PTPN22: variants seen among roughly 807,000 people sequenced by gnomAD.
PTPN22 encodes tyrosine-protein phosphatase non-receptor type 22.
A neutral mutation model predicts 103.3 loss-of-function variants in PTPN22; 85 were observed. The ratio of observed to expected loss-of-function variants is 0.82; its 90% confidence interval spans 0.69 to 0.99. PTPN22 has a LOEUF of 0.99. Ranked by LOEUF, PTPN22 falls within the 50% of genes least tolerant of loss-of-function variation. PTPN22 has a pLI of 0.00. For missense variants in PTPN22, 865 were observed against 936.9 expected (o/e 0.92, Z 1.00); for synonymous variants, 323 against 310.2 (o/e 1.04, Z -0.43).
chr1:113,867,035 C>A (rs1454120597), intron 1 of PTPN22, among the ~76,000 whole-genome samples: 1 of 152,156 alleles, frequency 6.6e-6, no homozygotes, highest in African/African-American at 2.4e-5. Flanking sequence ...GCGCGAGCCA[C>A]CTCACCTGGC....
chr1:113,842,997 G>A (rs1663701630), intron 11 of PTPN22, among the ~76,000 whole-genome samples: 1 of 143,174 alleles, frequency 7.0e-6, no homozygotes, highest in Non-Finnish European at 1.5e-5. Context: ...CTACTTGGGA[G>A]GCTGAGGCAG....
exon 6 of PTPN22, chr1:113,856,614 C>T (rs760774578): frequency 6.2e-7 from 1 of 1,614,126 alleles, no homozygotes; most frequent in Admixed American, 1.7e-5. Context: ...AGCGCTCACA[C>T]TTTTTCTGTT....
chr1:113,817,524 A>G (rs1661258260), intron 20 of PTPN22, among the ~76,000 whole-genome samples: 1 of 151,952 alleles, frequency 6.6e-6, no homozygotes, highest in Non-Finnish European at 1.5e-5. Flanking sequence ...TGCAGCCTCA[A>G]CCTCCTGGGC....
At chr1:113,864,995 T>C (rs947180028) in intron 1 of PTPN22, among the ~76,000 whole-genome samples, 3 of 151,978 alleles carry the variant, frequency 2.0e-5, no homozygotes, top group Non-Finnish European at 4.4e-5. Context: ...ACAACATGTG[T>C]GCAAGGCCCT....
In PTPN22 at chr1:113,836,080, CAGATA is replaced by C. The variant is rs569489107; in HGVS notation, c.1811-1092_1811-1088del. Among the ~76,000 whole-genome samples, 288 of 151,956 alleles carry C rather than the reference CAGATA, an allele frequency of 1.9e-3. 1 individual carries two copies. Among genetic ancestry groups the C allele is most frequent in the Non-Finnish European group, 3.2e-3 (219 of 67,918 alleles). ...AATCACAGAAGGAACATCTTAGATC[CAGATA>C]AGATATTTTTGCAACAAAGCTACAA... On this transcript the variant is annotated intron_variant, in intron 13 of 20. Transcript: ENST00000359785.
intron 15 of PTPN22, 25 bp downstream of exon 15, chr1:113,834,284 G>A (rs757814553): frequency 1.2e-6 from 2 of 1,607,424 alleles, no homozygotes; most frequent in South Asian, 1.1e-5. Context: ...ATCTAAATGA[G>A]TAGAGTCATT....
chr1:113,856,195 T>C, intron 7 of PTPN22, among the ~76,000 whole-genome samples, 187 bp downstream of exon 7: 1 of 152,160 alleles, frequency 6.6e-6, no homozygotes, highest in East Asian at 1.9e-4. Flanking sequence ...TTTGTGTGTT[T>C]TTAGTAGAGA....
At chr1:113,859,195 A>C (rs773874427) in intron 2 of PTPN22, 117 bp from the exon 3 acceptor site, 1 of 1,548,362 alleles carries the variant, frequency 6.5e-7, no homozygotes, top group Admixed American at 1.9e-5. Flanking sequence ...TGAATGAATG[A>C]ATGAATGAAT....
chr1:113,867,983 T>C (rs1012221769), intron 1 of PTPN22, among the ~76,000 whole-genome samples: 2 of 152,262 alleles, frequency 1.3e-5, no homozygotes, highest in African/African-American at 4.8e-5. Flanking sequence ...ACCTCTTGTA[T>C]ATTTTAAATC....
intron 20 of PTPN22, among the ~76,000 whole-genome samples, chr1:113,818,685 C>G (rs1661355631): frequency 6.6e-6 from 1 of 152,216 alleles, no homozygotes; most frequent in African/African-American, 2.4e-5. Context: ...AGCAATATTA[C>G]ATTTCCCAGT....
intron 20 of PTPN22, among the ~76,000 whole-genome samples, chr1:113,817,712 G>A (rs982620681): frequency 1.3e-5 from 2 of 152,264 alleles, no homozygotes; most frequent in Non-Finnish European, 1.5e-5. Context: ...CTCCCAAAGT[G>A]CTGGAATTAC....
intron 11 of PTPN22, among the ~76,000 whole-genome samples, chr1:113,842,034 G>C (rs1487697571): frequency 6.6e-6 from 1 of 151,662 alleles, no homozygotes; most frequent in African/African-American, 2.4e-5. Context: ...ATGAGACCCT[G>C]TCTCTAAAAA....
exon 15 of PTPN22, chr1:113,834,312 G>A: frequency 6.2e-7 from 1 of 1,613,480 alleles, no homozygotes; most frequent in Non-Finnish European, 8.5e-7. Context: ...TATTGACCTT[G>A]CTTGGTCTAA....
chr1:113,858,198 C>T (rs769821141), intron 4 of PTPN22, among the ~76,000 whole-genome samples: 3 of 152,092 alleles, frequency 2.0e-5, no homozygotes, highest in Non-Finnish European at 2.9e-5. Flanking sequence ...GCTGGGACTA[C>T]AGGCACACAC....
At chr1:113,831,383 T>A (rs1295032789) in intron 16 of PTPN22, among the ~76,000 whole-genome samples, 1 of 152,132 alleles carries the variant, frequency 6.6e-6, no homozygotes, top group East Asian at 1.9e-4. Flanking sequence ...ACCCATTAAG[T>A]CATCACTCCT....
chr1:113,851,126 A>G (rs1217407), intron 10 of PTPN22, among the ~76,000 whole-genome samples: 116,500 of 151,768 alleles, frequency 0.77, 45,643 homozygotes, highest in African/African-American at 0.9. Flanking sequence ...AGGTTAAAAG[A>G]TTGTGATACA....
At chr1:113,830,796 A>G (rs192660402) in intron 16 of PTPN22, among the ~76,000 whole-genome samples, 9 of 152,310 alleles carry the variant, frequency 5.9e-5, no homozygotes, top group Admixed American at 2.0e-4. Context: ...CTACTGACAT[A>G]AGCATTTAAT....
At chr1:113,834,323 G>A in exon 15 of PTPN22, 2 of 1,613,928 alleles carry the variant, frequency 1.2e-6, no homozygotes, top group Non-Finnish European at 1.7e-6. Flanking sequence ...CTTGGTCTAA[G>A]TATCACAGAG....
At chr1:113,838,884 A>T (rs1482195591) in intron 11 of PTPN22, among the ~76,000 whole-genome samples, 1 of 152,114 alleles carries the variant, frequency 6.6e-6, no homozygotes, top group African/African-American at 2.4e-5. Context: ...GGAGTTTTAA[A>T]AATGTTCTTT....
Sources: allele counts gnomAD v4.1 joint callset (sites outside exome capture counted in the v4.1 genomes callset), GRCh38; gene constraint gnomAD v4.1.1; transcripts MANE v1.5; gene names NCBI Gene and HGNC (gene_info 2026-07-23, HGNC 2026-07-21).